PTPRT: variants seen among roughly 807,000 people sequenced by gnomAD.
PTPRT encodes the protein protein tyrosine phosphatase receptor type T, also known as receptor-type tyrosine-protein phosphatase T.
A neutral mutation model predicts 176.8 loss-of-function variants in PTPRT; 56 were observed. That is an observed-to-expected ratio of 0.32 (90% confidence interval 0.26 to 0.40). PTPRT has a LOEUF of 0.40. Among genes scored for constraint, PTPRT ranks in the 10% least tolerant of loss-of-function variants. PTPRT has a pLI of 1.00. For synonymous variants in PTPRT, 783 were observed against 739.0 expected (o/e 1.06, Z -0.96); for missense variants, 1,540 against 1,908.2 (o/e 0.81, Z 3.60).
intron 13 of PTPRT, 58 bp downstream of exon 13, chr20:42,282,431 A>C: frequency 6.6e-7 from 1 of 1,516,208 alleles, no homozygotes; most frequent in Non-Finnish European, 9.0e-7. Context: ...TGTGGCTAGA[A>C]AGAAATACTT....
At chr20:43,135,536 T>G (rs1375883435) in intron 1 of PTPRT, among the ~76,000 whole-genome samples, 1 of 152,230 alleles carries the variant, frequency 6.6e-6, no homozygotes, top group Non-Finnish European at 1.5e-5. Context: ...TCTTCCAGTC[T>G]GTAGTTTTCA....
intron 2 of PTPRT, among the ~76,000 whole-genome samples, chr20:42,878,284 CA>C (rs1226087801): frequency 1.3e-5 from 2 of 152,120 alleles, no homozygotes; most frequent in African/African-American, 4.8e-5. Flanking sequence ...TTTTATGGAA[CA>C]TTTAATGACA....
At chr20:42,557,314 T>C (rs2072877530) in intron 7 of PTPRT, among the ~76,000 whole-genome samples, 1 of 152,146 alleles carries the variant, frequency 6.6e-6, no homozygotes, top group Admixed American at 6.6e-5. Flanking sequence ...CCCTTACCAC[T>C]GTTTCACTCT....
intron 18 of PTPRT, among the ~76,000 whole-genome samples, chr20:42,129,426 T>C (rs1015277316): frequency 6.6e-6 from 1 of 152,208 alleles, no homozygotes; most frequent in Non-Finnish European, 1.5e-5. Context: ...TATCTAGACA[T>C]AAACAAGATT....
intron 1 of PTPRT, among the ~76,000 whole-genome samples, chr20:43,083,522 G>A (rs2146292992): frequency 6.6e-6 from 1 of 150,980 alleles, no homozygotes; most frequent in African/African-American, 2.4e-5. Flanking sequence ...CACCTGCCTG[G>A]CTCATTTTTG....
intron 9 of PTPRT, among the ~76,000 whole-genome samples, chr20:42,362,045 A>T (rs2058438168): frequency 1.3e-5 from 2 of 152,178 alleles, no homozygotes; most frequent in African/African-American, 4.8e-5. Flanking sequence ...CAATACCAGT[A>T]ATGAGAAATA....
chr20:42,999,615 T>TTTTGTTG (rs1555815037), intron 1 of PTPRT, among the ~76,000 whole-genome samples: 394 of 150,546 alleles, frequency 2.6e-3, no homozygotes, highest in African/African-American at 7.3e-3. Flanking sequence ...TGGTTTTTTT[T>TTTTGTTG]TTGTTGTTGT....
chr20:42,274,852 A>G (rs796863134), intron 13 of PTPRT, among the ~76,000 whole-genome samples: 27 of 152,298 alleles, frequency 1.8e-4, no homozygotes, highest in African/African-American at 6.0e-4. Context: ...GAGACAGGCC[A>G]AAGACCATCA....
chr20:42,233,898 T>G (rs996428742), intron 15 of PTPRT, among the ~76,000 whole-genome samples: 2 of 152,202 alleles, frequency 1.3e-5, no homozygotes, highest in African/African-American at 4.8e-5. Flanking sequence ...TGTTTATCAT[T>G]GCACCTTCAA....
chr20:42,177,778 G>A (rs1990353170), intron 16 of PTPRT, among the ~76,000 whole-genome samples: 1 of 152,080 alleles, frequency 6.6e-6, no homozygotes, highest in African/African-American at 2.4e-5. Context: ...AGAATGGTAA[G>A]TTTGACCCAA....
At chr20:42,337,063 G>A (rs1454549930) in intron 11 of PTPRT, among the ~76,000 whole-genome samples, 3 of 152,084 alleles carry the variant, frequency 2.0e-5, no homozygotes, top group Non-Finnish European at 4.4e-5. Flanking sequence ...CTGTGGCATG[G>A]TCTTTCATAC....
rs1569038555 is a variant in PTPRT, at chr20:42,634,031, AT to A, written c.1153+43834del. On this transcript the variant is annotated intron_variant, in intron 7 of 30. Coordinates refer to ENST00000373187, the MANE Select transcript of PTPRT (RefSeq NM_007050.6). ...TATATAATATATATATAATATATAT[AT>A]TATATATATTATATATATATTATAA... Among the ~76,000 whole-genome samples, 10 of 31,166 alleles carry A rather than the reference AT, an allele frequency of 3.2e-4. No individual in the cohort carries two copies. The East Asian group carries it at 6.1e-3, about 19-fold the overall frequency. The allele number at this position is 31,166 out of a possible 152,430, so 20.4% of individuals were successfully genotyped here.
intron 2 of PTPRT, among the ~76,000 whole-genome samples, chr20:42,843,117 T>C (rs1315460069): frequency 6.6e-6 from 1 of 152,204 alleles, no homozygotes; most frequent in Non-Finnish European, 1.5e-5. Flanking sequence ...TTATATTCCC[T>C]TCCAAGGAAC....
intron 1 of PTPRT, among the ~76,000 whole-genome samples, chr20:43,077,885 C>G (rs77009218): frequency 0.018 from 2,749 of 152,268 alleles, 51 homozygotes; most frequent in East Asian, 0.077. Flanking sequence ...CTAGACCAAC[C>G]CTAACTGTCC....
chr20:42,093,188 C>T (rs1021577644), intron 27 of PTPRT, among the ~76,000 whole-genome samples: 4 of 152,110 alleles, frequency 2.6e-5, no homozygotes, highest in African/African-American at 9.7e-5. Flanking sequence ...GGGCTTCTTT[C>T]TGGTGTCTTT....
At chr20:42,243,195 G>A (rs2056389533) in intron 14 of PTPRT, among the ~76,000 whole-genome samples, 1 of 152,164 alleles carries the variant, frequency 6.6e-6, no homozygotes, top group South Asian at 2.1e-4. Context: ...ATAGGAGGTA[G>A]TGCCTGTGAA....
At chr20:42,523,660 A>G (rs955779656) in intron 7 of PTPRT, among the ~76,000 whole-genome samples, 3 of 152,160 alleles carry the variant, frequency 2.0e-5, no homozygotes, top group Non-Finnish European at 2.9e-5. Context: ...GTTTAGTACA[A>G]TGACGTAGAC....
At chr20:42,816,840 A>G (rs1242865022) in intron 2 of PTPRT, among the ~76,000 whole-genome samples, 1 of 152,224 alleles carries the variant, frequency 6.6e-6, no homozygotes, top group African/African-American at 2.4e-5. Flanking sequence ...AAAATGAGCT[A>G]ATACACTAAC....
chr20:43,060,961 A>C lies in PTPRT; in HGVS notation c.88+128685T>G, dbSNP rs527813534. 3.9e-5 allele frequency among the ~76,000 whole-genome samples: 6 copies of C among 152,338 alleles called. 1 individual carries two copies. Among genetic ancestry groups the C allele is most frequent in the Admixed American group, 3.9e-4 (6 of 15,304 alleles). On this transcript the variant is annotated intron_variant, in intron 1 of 30. Coordinates refer to ENST00000373187, the MANE Select transcript of PTPRT (RefSeq NM_007050.6). ...TCTAACCCATATATTTAAGATCTAC[A>C]TACTTTACAGTATTTAAATTATACC...
Sources: gnomAD v4.1 joint callset for allele counts (sites outside exome capture counted in the v4.1 genomes callset) on GRCh38, gnomAD v4.1.1 for gene constraint, MANE v1.5 for transcripts, NCBI Gene and HGNC (gene_info 2026-07-23, HGNC 2026-07-21) for gene names.